RAB14: variants seen among roughly 807,000 people sequenced by gnomAD.
RAB14 encodes ras-related protein Rab-14.
Under a neutral mutation model 31.1 loss-of-function variants are expected in RAB14, and 3 were observed. The ratio of observed to expected loss-of-function variants is 0.10; its 90% confidence interval spans 0.04 to 0.25. The LOEUF is 0.25. Among genes scored for constraint, RAB14 ranks in the 10% least tolerant of loss-of-function variants. RAB14 has a pLI of 1.00. For synonymous variants in RAB14, 85 were observed against 84.9 expected (o/e 1.00, Z 0.00); for missense variants, 111 against 260.1 (o/e 0.43, Z 3.94).
At chr9:121,201,397 G>T (rs1229425643) in intron 1 of RAB14, among the ~76,000 whole-genome samples, 1 of 152,076 alleles carries the variant, frequency 6.6e-6, no homozygotes, top group African/African-American at 2.4e-5. Context: ...CGCCGGTTGG[G>T]GAGGGCAGGA....
rs1262558328 is a variant in RAB14, at chr9:121,179,575, C to G, written c.*1821G>C. ...GTCCCTGGGTGAGTCCCTTGTGATGCAACAGTGTAAGCAAAATGGATCACT... is the reference window on the plus strand; with the variant it reads ...GTCCCTGGGTGAGTCCCTTGTGATGGAACAGTGTAAGCAAAATGGATCACT... On this transcript the variant is annotated 3_prime_UTR_variant, in exon 8 of 8. Transcript: ENST00000373840. 1 of 152,604 alleles carries G rather than the reference C, an allele frequency of 6.6e-6. No individual in the cohort carries two copies. 9.5% of individuals were successfully genotyped at this position (152,604 alleles called of 1,614,324 possible).
At chr9:121,181,956 C>G (rs1357563375) in intron 7 of RAB14, among the ~76,000 whole-genome samples, 6 of 151,950 alleles carry the variant, frequency 3.9e-5, no homozygotes, top group Non-Finnish European at 1.5e-5. Flanking sequence ...CCATGTTGGC[C>G]AGGGTGGTCT....
intron 1 of RAB14, among the ~76,000 whole-genome samples, chr9:121,199,416 T>C (rs890290346): frequency 4.2e-4 from 64 of 152,362 alleles, no homozygotes; most frequent in African/African-American, 1.4e-3. Context: ...TAGCCATGCC[T>C]GGCATTTTTT....
intron 5 of RAB14, among the ~76,000 whole-genome samples, chr9:121,183,911 G>T (rs2132022324): frequency 6.6e-6 from 1 of 152,284 alleles, no homozygotes; most frequent in African/African-American, 2.4e-5. Flanking sequence ...TGTAAATACT[G>T]TAATTGTGGG....
At chr9:121,200,836 G>C (rs1314485350) in intron 1 of RAB14, among the ~76,000 whole-genome samples, 3 of 152,078 alleles carry the variant, frequency 2.0e-5, no homozygotes, top group Non-Finnish European at 4.4e-5. Flanking sequence ...AGGGCTACGC[G>C]GGGCAAGATA....
At chr9:121,191,459 TC>T (rs1437450512) in intron 3 of RAB14, among the ~76,000 whole-genome samples, 1 of 152,062 alleles carries the variant, frequency 6.6e-6, no homozygotes, top group Non-Finnish European at 1.5e-5. Flanking sequence ...CACGTAAGTC[TC>T]CCAAAGCACT....
At chr9:121,181,794 C>T (rs1425978493) in intron 7 of RAB14, among the ~76,000 whole-genome samples, 1 of 131,340 alleles carries the variant, frequency 7.6e-6, no homozygotes, top group Non-Finnish European at 1.6e-5. Flanking sequence ...TGTCACCAGG[C>T]TGGAGTGCAG....
At position 121,199,402 on chromosome 9, in the gene RAB14, T is replaced by C. The variant is rs111604073; in HGVS notation, c.-8+2237A>G. ...AATACTTCTATTTGTCAAACTGTTG[T>C]CTTTAGCCATGCCTGGCATTTTTTA... On this transcript the variant is annotated intron_variant, in intron 1 of 7. Coordinates refer to ENST00000373840, the MANE Select transcript of RAB14 (RefSeq NM_016322.4). Among the ~76,000 whole-genome samples, 213 of 152,366 alleles carry C rather than the reference T, an allele frequency of 1.4e-3. 2 individuals carry two copies. The highest frequency in any genetic ancestry group is 4.7e-3 in the African/African-American group (196 of 41,576).
Position 121,187,023 on chromosome 9 carries a change from C to CA in RAB14, c.285-5dup. 1 of 1,531,604 alleles carries CA rather than the reference C, an allele frequency of 6.5e-7. No homozygotes were observed. The highest frequency in any genetic ancestry group is 8.8e-7 in the Non-Finnish European group (1 of 1,140,932). The allele number at this position is 1,531,604 out of a possible 1,614,324, so 94.9% of individuals were successfully genotyped here. On this transcript the variant is annotated splice_polypyrimidine_tract_variant and splice_region_variant and intron_variant, in intron 4 of 7. Transcript: ENST00000373840. ...TAAGTGGTTATATGTACTTCTTCTG[C>CA]AAAAATAAAAGTTTAAATTTGTGAC... is the stretch of plus-strand genomic sequence containing the variant.
chr9:121,193,279 G>A, intron 2 of RAB14, 82 bp downstream of exon 2: 1 of 905,994 alleles, frequency 1.1e-6, no homozygotes, highest in East Asian at 2.7e-5. Flanking sequence ...GTCCTGAAGT[G>A]GTACTGTTTA....
Position 121,196,196 on chromosome 9 carries a change from C to T in RAB14, c.-7-2777G>A, listed in dbSNP as rs550087538. On this transcript the variant is annotated intron_variant, in intron 1 of 7. Coordinates refer to ENST00000373840, the MANE Select transcript of RAB14 (RefSeq NM_016322.4). ...ATCCCCATAAATGAAAAAAAAAATC[C>T]TGGTAATATTCTATAACTTGTATAC... 1.8e-3 allele frequency among the ~76,000 whole-genome samples: 268 copies of T among 152,104 alleles called. 1 individual carries two copies. Among genetic ancestry groups the T allele is most frequent in the Non-Finnish European group, 2.9e-3 (200 of 67,962 alleles).
At chr9:121,189,696 A>G (rs1408836588) in intron 4 of RAB14, among the ~76,000 whole-genome samples, 3 of 152,174 alleles carry the variant, frequency 2.0e-5, no homozygotes, top group Non-Finnish European at 2.9e-5. Flanking sequence ...TTAATATGCT[A>G]ACGCACATTA....
chr9:121,183,458 G>T (rs2053644199), intron 5 of RAB14, 60 bp from the exon 6 acceptor site: 1 of 1,331,742 alleles, frequency 7.5e-7, no homozygotes, highest in Non-Finnish European at 1.0e-6. Context: ...AACCAACCAT[G>T]CAAATTCTGA....
chr9:121,194,320 G>C (rs2053703555), intron 1 of RAB14, among the ~76,000 whole-genome samples: 1 of 152,080 alleles, frequency 6.6e-6, no homozygotes, highest in African/African-American at 2.4e-5. Context: ...TGTACTTATG[G>C]TTGCAAAATT....
intron 3 of RAB14, 126 bp downstream of exon 3, chr9:121,192,045 A>G (rs756036650): frequency 3.8e-5 from 24 of 633,832 alleles, no homozygotes; most frequent in Non-Finnish European, 5.9e-5. Context: ...CCCATTTAAA[A>G]AAAGTACAAA....
chr9:121,184,246 G>T (rs1016149164), intron 5 of RAB14, among the ~76,000 whole-genome samples: 1 of 152,144 alleles, frequency 6.6e-6, no homozygotes, highest in Non-Finnish European at 1.5e-5. Flanking sequence ...GGGAGTAGGG[G>T]TTTGGGGGCA....
At chr9:121,194,123 C>G (rs1333931929) in intron 1 of RAB14, among the ~76,000 whole-genome samples, 3 of 151,574 alleles carry the variant, frequency 2.0e-5, no homozygotes, top group Non-Finnish European at 4.4e-5. Context: ...CACACACACA[C>G]ACACACATTT....
intron 7 of RAB14, 54 bp from the exon 8 acceptor site, chr9:121,181,627 A>C: frequency 7.0e-7 from 1 of 1,436,536 alleles, no homozygotes; most frequent in East Asian, 2.3e-5. Context: ...ACAAAAGACA[A>C]GACACTGACC....
chr9:121,182,805 G>T, intron 7 of RAB14, 125 bp downstream of exon 7: 1 of 567,896 alleles, frequency 1.8e-6, no homozygotes, highest in Non-Finnish European at 2.8e-6. Flanking sequence ...TCTTCCTGCA[G>T]TAAGCATTAC....
Sources: allele counts gnomAD v4.1 joint callset (sites outside exome capture counted in the v4.1 genomes callset), GRCh38; gene constraint gnomAD v4.1.1; transcripts MANE v1.5; gene names NCBI Gene and HGNC (gene_info 2026-07-23, HGNC 2026-07-21).